Variants in RBFOX1 observed in about 807,000 individuals in gnomAD.
The protein encoded by RBFOX1 is RNA binding fox-1 homolog 1, also known as RNA binding protein fox-1 homolog 1.
A neutral mutation model predicts 57.7 loss-of-function variants in RBFOX1; 8 were observed. That is an observed-to-expected ratio of 0.14 (90% CI 0.08 to 0.25). The LOEUF is 0.25. Among genes scored for constraint, RBFOX1 ranks in the 10% least tolerant of loss-of-function variants. The pLI, the probability that RBFOX1 is intolerant of heterozygous loss-of-function variation, is 1.00. For missense variants in RBFOX1, 611 were observed against 548.5 expected (o/e 1.11, Z -1.14); for synonymous variants, 326 against 222.4 (o/e 1.47, Z -4.15).
intron 11 of RBFOX1, among the ~76,000 whole-genome samples, chr16:7,645,651 G>A (rs921576669): frequency 1.3e-4 from 20 of 152,192 alleles, no homozygotes; most frequent in Admixed American, 6.5e-5. Flanking sequence ...TCCATGTGGA[G>A]CATGGTGATT....
At chr16:5,870,271 A>G (rs147372948) in intron 4 of RBFOX1, among the ~76,000 whole-genome samples, 11 of 151,368 alleles carry the variant, frequency 7.3e-5, no homozygotes, top group African/African-American at 2.7e-4. Context: ...GGAATGTCCA[A>G]CACTCTCATC....
rs1567693451 is a variant in RBFOX1, at chr16:6,562,856, CTTTCTTTCTTTCTTTCTTTCTTTCTT to C, written c.-63-91743_-63-91718del. Among the ~76,000 whole-genome samples, 12 of 50,306 alleles carry C rather than the reference CTTTCTTTCTTTCTTTCTTTCTTTCTT, an allele frequency of 2.4e-4. 1 individual carries two copies. The highest frequency in any genetic ancestry group is 1.3e-3 in the African/African-American group (12 of 9,396). 33.0% of individuals were successfully genotyped at this position (50,306 alleles called of 152,430 possible). ...CTTTTCTTTCTTTCTTTCTTTCTTT[CTTTCTTTCTTTCTTTCTTTCTTTCTT>C]TTTTTTTTTTTTTTTTGCATAGTTG... On this transcript the variant is annotated intron_variant, in intron 2 of 15. Transcript: ENST00000550418.
intron 4 of RBFOX1, among the ~76,000 whole-genome samples, chr16:7,311,087 A>G (rs1259879972): frequency 2.6e-5 from 4 of 152,060 alleles, no homozygotes; most frequent in East Asian, 1.9e-4. Flanking sequence ...TTTTTTTTCC[A>G]TCTGCCAGAT....
intron 4 of RBFOX1, among the ~76,000 whole-genome samples, chr16:7,305,242 ACT>A (rs1260381366): frequency 6.7e-6 from 1 of 150,220 alleles, no homozygotes; most frequent in Admixed American, 6.6e-5. Flanking sequence ...TTGACACCTT[ACT>A]CTCTGTCTTT....
intron 2 of RBFOX1, chr16:6,576,882 C>T (rs1219824404): frequency 6.6e-6 from 1 of 152,192 alleles, no homozygotes; most frequent in Non-Finnish European, 1.5e-5. Flanking sequence ...CACTGGCCAT[C>T]TGCTAATAAT....
At chr16:5,911,432 C>T (rs929419037) in intron 4 of RBFOX1, among the ~76,000 whole-genome samples, 10 of 152,160 alleles carry the variant, frequency 6.6e-5, no homozygotes, top group Admixed American at 6.5e-4. Flanking sequence ...CCTGGGGGCA[C>T]CATCCTAGCA....
At chr16:5,338,441 A>C (rs2064953142) in intron 1 of RBFOX1, among the ~76,000 whole-genome samples, 1 of 152,174 alleles carries the variant, frequency 6.6e-6, no homozygotes, top group African/African-American at 2.4e-5. Flanking sequence ...GTTTGCAGAG[A>C]GAAAATGAAG....
At chr16:7,505,465 T>A (rs371092311) in intron 4 of RBFOX1, among the ~76,000 whole-genome samples, 16 of 152,238 alleles carry the variant, frequency 1.1e-4, no homozygotes, top group African/African-American at 3.4e-4. Context: ...GTCGCTCATT[T>A]TTTAAGGGCT....
At chr16:7,502,468 C>T (rs1157524821) in intron 4 of RBFOX1, among the ~76,000 whole-genome samples, 1 of 152,164 alleles carries the variant, frequency 6.6e-6, no homozygotes, top group Non-Finnish European at 1.5e-5. Context: ...CCATATCATG[C>T]CTCCACAAAG....
intron 3 of RBFOX1, among the ~76,000 whole-genome samples, chr16:6,735,356 A>C (rs913018282): frequency 1.3e-5 from 2 of 152,232 alleles, no homozygotes; most frequent in Admixed American, 6.5e-5. Context: ...GCCGTCAGCT[A>C]GGGAGCTTGT....
intron 5 of RBFOX1, among the ~76,000 whole-genome samples, chr16:7,526,339 G>T (rs908368809): frequency 6.6e-6 from 1 of 152,130 alleles, no homozygotes; most frequent in African/African-American, 2.4e-5. Flanking sequence ...CTTCGTGGCT[G>T]CCCTCTAGCT....
intron 1 of RBFOX1, among the ~76,000 whole-genome samples, chr16:5,292,374 G>C (rs918468801): frequency 2.0e-5 from 3 of 152,216 alleles, no homozygotes; most frequent in African/African-American, 7.2e-5. Context: ...TCAATTGGCA[G>C]AAATGTGGCT....
chr16:6,713,661 G>T (rs1386106503), intron 3 of RBFOX1, among the ~76,000 whole-genome samples: 3 of 152,174 alleles, frequency 2.0e-5, no homozygotes, highest in African/African-American at 7.2e-5. Flanking sequence ...TGAAGTTACA[G>T]TTGCCCAAAC....
At chr16:5,693,447 C>G (rs1442769609) in intron 3 of RBFOX1, among the ~76,000 whole-genome samples, 1 of 150,726 alleles carries the variant, frequency 6.6e-6, no homozygotes, top group East Asian at 1.9e-4. Context: ...GCAAATGAGA[C>G]CAATTTTATT....
intron 4 of RBFOX1, among the ~76,000 whole-genome samples, chr16:7,052,988 G>T (rs1228884542): frequency 6.6e-6 from 1 of 152,162 alleles, no homozygotes; most frequent in African/African-American, 2.4e-5. Flanking sequence ...ACAACAGTGG[G>T]ATTTGGCGTT....
intron 1 of RBFOX1, among the ~76,000 whole-genome samples, chr16:5,305,800 A>G (rs569946637): frequency 5.9e-5 from 9 of 152,280 alleles, no homozygotes; most frequent in African/African-American, 2.2e-4. Flanking sequence ...GCTTATCCCT[A>G]TCATCCCAGC....
chr16:7,283,706 A>G (rs1367373586), intron 4 of RBFOX1, among the ~76,000 whole-genome samples: 1 of 152,158 alleles, frequency 6.6e-6, no homozygotes, highest in Non-Finnish European at 1.5e-5. Context: ...AGGGTCACCC[A>G]GAGCTTGCCA....
At chr16:6,669,688 A>C (rs2098752391) in intron 3 of RBFOX1, among the ~76,000 whole-genome samples, 2 of 152,062 alleles carry the variant, frequency 1.3e-5, no homozygotes, top group African/African-American at 4.8e-5. Flanking sequence ...CTTAAGATCT[A>C]CCCTCTTAGC....
At chr16:6,431,364 A>G (rs946266785) in intron 2 of RBFOX1, among the ~76,000 whole-genome samples, 1 of 151,974 alleles carries the variant, frequency 6.6e-6, no homozygotes, top group Non-Finnish European at 1.5e-5. Context: ...TATGGAAAGA[A>G]AAGTCTTTCC....
Sources: allele counts gnomAD v4.1 joint callset (sites outside exome capture counted in the v4.1 genomes callset), GRCh38; gene constraint gnomAD v4.1.1; transcripts MANE v1.5; gene names NCBI Gene and HGNC (gene_info 2026-07-23, HGNC 2026-07-21).